ROBO1: variants seen among roughly 807,000 people sequenced by gnomAD.
ROBO1 encodes the protein roundabout guidance receptor 1.
Under a neutral mutation model 195.9 loss-of-function variants are expected in ROBO1, and 149 were observed. That is an observed-to-expected ratio of 0.76 (90% confidence interval 0.67 to 0.87). The LOEUF (loss-of-function observed/expected upper bound fraction) is 0.87. Ranked by LOEUF, ROBO1 falls within the 40% of genes least tolerant of loss-of-function variation. The probability of loss-of-function intolerance (pLI) is 0.00; values close to 1 mark genes in which losing one functional copy is unlikely to be tolerated. For missense variants in ROBO1, 1,933 were observed against 2,068.3 expected (o/e 0.93, Z 1.27); for synonymous variants, 816 against 733.2 (o/e 1.11, Z -1.82).
intron 2 of ROBO1, among the ~76,000 whole-genome samples, chr3:79,126,499 A>G (rs1417824285): frequency 6.6e-6 from 1 of 152,138 alleles, no homozygotes; most frequent in Non-Finnish European, 1.5e-5. Context: ...CCTGTCATCT[A>G]TATGTAAGAT....
chr3:78,722,815 G>A (rs770809523), intron 5 of ROBO1, among the ~76,000 whole-genome samples: 20 of 152,066 alleles, frequency 1.3e-4, no homozygotes, highest in Admixed American at 4.6e-4. Context: ...CAAGATATTA[G>A]TTCCTCTGTA....
chr3:79,666,971 C>A (rs1946493344), intron 1 of ROBO1, among the ~76,000 whole-genome samples: 1 of 151,840 alleles, frequency 6.6e-6, no homozygotes, highest in African/African-American at 2.4e-5. Context: ...CTTTAAAAAG[C>A]TATTTTGCCT....
At chr3:78,874,957 C>T (rs1193919360) in intron 4 of ROBO1, among the ~76,000 whole-genome samples, 1 of 151,914 alleles carries the variant, frequency 6.6e-6, no homozygotes, top group East Asian at 1.9e-4. Flanking sequence ...TGAGAATGCA[C>T]AAATAAATGA....
chr3:79,651,312 T>C (rs1353997575), intron 1 of ROBO1, among the ~76,000 whole-genome samples: 1 of 152,110 alleles, frequency 6.6e-6, no homozygotes. Context: ...GTATGCAAAA[T>C]GTTACATTTA....
intron 3 of ROBO1, among the ~76,000 whole-genome samples, chr3:79,037,011 T>C (rs550780992): frequency 1.3e-5 from 2 of 152,248 alleles, no homozygotes; most frequent in East Asian, 1.9e-4. Flanking sequence ...AAAGAGTATA[T>C]ATAAAATTTC....
chr3:79,581,366 T>C (rs1041545978), intron 2 of ROBO1, among the ~76,000 whole-genome samples: 20 of 152,118 alleles, frequency 1.3e-4, no homozygotes, highest in African/African-American at 4.6e-4. Flanking sequence ...GGTTTTTCTA[T>C]CCAGTTTAAT....
intron 3 of ROBO1, among the ~76,000 whole-genome samples, chr3:79,100,845 G>A (rs961470103): frequency 6.6e-6 from 1 of 151,698 alleles, no homozygotes; most frequent in Non-Finnish European, 1.5e-5. Flanking sequence ...TAACAGATGG[G>A]TCCCTTTGAA....
intron 2 of ROBO1, among the ~76,000 whole-genome samples, chr3:79,136,834 GA>G (rs375062242): frequency 1.1e-3 from 172 of 150,060 alleles, no homozygotes; most frequent in Non-Finnish European, 1.9e-3. Context: ...AGATTGAGAG[GA>G]AAAAAAATCA....
intron 4 of ROBO1, among the ~76,000 whole-genome samples, chr3:78,913,440 A>T (rs1169738994): frequency 6.6e-6 from 1 of 152,174 alleles, no homozygotes; most frequent in East Asian, 1.9e-4. Flanking sequence ...AATATAAATT[A>T]ATCCAAAAGA....
At chr3:78,914,089 T>C (rs1033567978) in intron 4 of ROBO1, among the ~76,000 whole-genome samples, 2 of 152,170 alleles carry the variant, frequency 1.3e-5, no homozygotes, top group Non-Finnish European at 2.9e-5. Flanking sequence ...ATCTCCCATA[T>C]GGCTAAAACA....
intron 2 of ROBO1, among the ~76,000 whole-genome samples, chr3:79,353,551 G>A (rs1171218671): frequency 6.6e-6 from 1 of 152,058 alleles, no homozygotes; most frequent in Non-Finnish European, 1.5e-5. Context: ...TGTATGCAAT[G>A]GCTTTTACTT....
At chr3:79,119,918 A>G (rs1430366646) in intron 3 of ROBO1, among the ~76,000 whole-genome samples, 1 of 152,006 alleles carries the variant, frequency 6.6e-6, no homozygotes, top group Non-Finnish European at 1.5e-5. Context: ...CTACAGGCAC[A>G]TGCCACCATG....
At chr3:79,450,291 TGAGAA>T (rs2039399125) in intron 2 of ROBO1, among the ~76,000 whole-genome samples, 1 of 150,568 alleles carries the variant, frequency 6.6e-6, no homozygotes, top group South Asian at 2.1e-4. Flanking sequence ...AGAATGTGCC[TGAGAA>T]GAGAACTAAA....
At chr3:79,233,337 A>T (rs940287008) in intron 2 of ROBO1, among the ~76,000 whole-genome samples, 4 of 152,132 alleles carry the variant, frequency 2.6e-5, no homozygotes, top group Admixed American at 2.6e-4. Flanking sequence ...AGACAAGGAA[A>T]TATAATCACA....
At chr3:78,717,606 A>G (rs2081934181) in intron 6 of ROBO1, among the ~76,000 whole-genome samples, 157 bp downstream of exon 6, 1 of 151,928 alleles carries the variant, frequency 6.6e-6, no homozygotes, top group Non-Finnish European at 1.5e-5. Flanking sequence ...ATCTTTGGCT[A>G]TTTTATCTCA....
chr3:79,361,022 C>T (rs1004591940), intron 2 of ROBO1, among the ~76,000 whole-genome samples: 1 of 151,942 alleles, frequency 6.6e-6, no homozygotes, highest in Admixed American at 6.6e-5. Flanking sequence ...ATTAAAACTT[C>T]GAGTTAAGAA....
intron 3 of ROBO1, among the ~76,000 whole-genome samples, chr3:78,957,452 C>A (rs945938790): frequency 2.6e-5 from 4 of 152,118 alleles, no homozygotes; most frequent in African/African-American, 9.7e-5. Context: ...CACTTATATA[C>A]CTCTTAGCCA....
At chr3:79,374,805 T>C (rs1378364918) in intron 2 of ROBO1, among the ~76,000 whole-genome samples, 1 of 151,090 alleles carries the variant, frequency 6.6e-6, no homozygotes, top group East Asian at 1.9e-4. Context: ...TATTCTTGCT[T>C]GACTAAGTTG....
rs368447767 is a variant in ROBO1 at position 78,887,589 on chromosome 3, T to C, written c.499+51012A>G. Reference sequence around the variant, plus strand: ...TTATAGAGATATTTAAGTCCAAGGATACTTAGTAGCATCTGTAAGTATCCC... The same window carrying C: ...TTATAGAGATATTTAAGTCCAAGGACACTTAGTAGCATCTGTAAGTATCCC... On this transcript the variant is annotated intron_variant, in intron 4 of 30. Coordinates refer to ENST00000464233, the MANE Select transcript of ROBO1 (RefSeq NM_002941.4). Among the ~76,000 whole-genome samples, 10 of 152,300 alleles carry C rather than the reference T, an allele frequency of 6.6e-5. No homozygotes were observed. In the East Asian group the frequency reaches 1.7e-3, roughly 26 times the overall value.
Sources: gnomAD v4.1 joint callset for allele counts (sites outside exome capture counted in the v4.1 genomes callset) on GRCh38, gnomAD v4.1.1 for gene constraint, MANE v1.5 for transcripts, NCBI Gene and HGNC (gene_info 2026-07-23, HGNC 2026-07-21) for gene names.